Variants in ABCA5 observed in about 807,000 individuals in gnomAD.
ABCA5 encodes the protein cholesterol transporter ABCA5.
ABCA5 carries 163 observed loss-of-function variants against 206.0 expected under a neutral mutation model. The observed-to-expected ratio is 0.79, with a 90% confidence interval of 0.70 to 0.90. ABCA5 has a LOEUF of 0.90. ABCA5 is among the 40% of genes least tolerant of loss of function. The pLI, the probability that ABCA5 is intolerant of heterozygous loss-of-function variation, is 0.00. For synonymous variants in ABCA5, 609 were observed against 613.8 expected (o/e 0.99, Z 0.11); for missense variants, 1,859 against 1,912.9 (o/e 0.97, Z 0.53).
intron 15 of ABCA5, among the ~76,000 whole-genome samples, chr17:69,286,650 T>C (rs1483983577): frequency 6.6e-6 from 1 of 152,188 alleles, no homozygotes; most frequent in Non-Finnish European, 1.5e-5. Context: ...CTTTCACAAT[T>C]TCCTTTATAA....
chr17:69,284,434 TATC>T (rs1212686609), intron 17 of ABCA5, among the ~76,000 whole-genome samples: 3 of 152,154 alleles, frequency 2.0e-5, no homozygotes, highest in Admixed American at 1.3e-4. Flanking sequence ...ATTATATCTA[TATC>T]ATATTATAAA....
intron 22 of ABCA5, among the ~76,000 whole-genome samples, chr17:69,269,387 G>A (rs778001823): frequency 7.9e-5 from 12 of 152,180 alleles, no homozygotes; most frequent in Admixed American, 3.3e-4. Context: ...TAGGTGGTTC[G>A]TTTTCTGTAC....
At chr17:69,309,609 A>C (rs1428083326) in intron 3 of ABCA5, among the ~76,000 whole-genome samples, 186 bp from the exon 4 acceptor site, 1 of 152,200 alleles carries the variant, frequency 6.6e-6, no homozygotes, top group Non-Finnish European at 1.5e-5. Flanking sequence ...TTGGAAGACC[A>C]AGATGGGAGG....
intron 8 of ABCA5, among the ~76,000 whole-genome samples, chr17:69,302,463 A>T (rs2075662235): frequency 6.6e-6 from 1 of 152,250 alleles, no homozygotes; most frequent in African/African-American, 2.4e-5. Flanking sequence ...GAGTTTCTGC[A>T]GTGAAATAAA....
rs143171555 is a variant in ABCA5 at position 69,255,766 on chromosome 17, C to T, written c.3943G>A (p.Ala1315Thr). Residue 1315 changes from alanine (A) to threonine (T), a missense_variant, in exon 30 of 39, where the codon GCA becomes ACA. By Grantham distance (58) the Ala-to-Thr change is moderately conservative (BLOSUM62 0). Transcript: ENST00000392676. The stretch of plus-strand genomic sequence containing the variant: ...ACACAGAAAGAGATGTATTTAGTTG[C>T]CACTTTCTTTACTTTTCTTGAAAGA... ...FLLSRKVKKV[A>T]TKYISFCVKK... is the part of the protein sequence containing the mutation. The T allele has an allele frequency of 1.6e-4, 252 of 1,596,416 alleles. No homozygotes were observed. In the African/African-American group the frequency reaches 2.8e-3, roughly 18 times the overall value.
At chr17:69,248,614 C>G (rs546289008) in intron 37 of ABCA5, 139 of 228,880 alleles carry the variant, frequency 6.1e-4, no homozygotes, top group African/African-American at 3.1e-3. Flanking sequence ...TCCCTGCTCT[C>G]TTATCTCCCA....
chr17:69,305,964 A>C (rs1206190504), intron 6 of ABCA5, among the ~76,000 whole-genome samples: 2 of 152,220 alleles, frequency 1.3e-5, no homozygotes, highest in African/African-American at 4.8e-5. Flanking sequence ...CATTATGTAA[A>C]GTGTTAATGA....
chr17:69,252,012 T>C, intron 34 of ABCA5, 146 bp from the exon 35 acceptor site: 2 of 742,416 alleles, frequency 2.7e-6, no homozygotes, highest in Non-Finnish European at 4.2e-6. Context: ...CCTGCCCAAC[T>C]ATGATTTTTT....
At chr17:69,251,462 TG>T (rs1263735063) in intron 35 of ABCA5, 3 of 316,560 alleles carry the variant, frequency 9.5e-6, no homozygotes, top group Non-Finnish European at 1.7e-5. Context: ...TTCATATTTG[TG>T]TTACATAATT....
rs756157592 is a variant in ABCA5, at chr17:69,313,226, T to A, written c.173A>T (p.Tyr58Phe). ...GAGTTCTATATTAGGCACTTCTTCA[T>A]ATTTCTTATTTGGATGCATCATGCT... ...LISMMHPNKK[Y>F]EEVPNIELNP... Residue 58 changes from tyrosine (Y) to phenylalanine (F), a missense_variant, in exon 3 of 39, where the codon TAT (tyrosine) becomes TTT (phenylalanine). By Grantham distance (22) the Tyr-to-Phe change is conservative. Transcript: ENST00000392676. 1 of 1,535,614 alleles carries A rather than the reference T, an allele frequency of 6.5e-7. No homozygotes were observed. The highest frequency in any genetic ancestry group is 9.0e-7 in the Non-Finnish European group (1 of 1,111,218).
At position 69,260,563 on chromosome 17, in the gene ABCA5, C is replaced by T. The variant is rs115613225; in HGVS notation, c.3565-151G>A. ...AGTTATGTTTTTTACTTAAAATCTTCCCTGTCCCAAAATATTTCTGAGGAT... is the reference window on the plus strand; with the variant it reads ...AGTTATGTTTTTTACTTAAAATCTTTCCTGTCCCAAAATATTTCTGAGGAT... On this transcript the variant is annotated intron_variant, in intron 26 of 38. Coordinates refer to ENST00000392676, the MANE Select transcript of ABCA5 (RefSeq NM_172232.4). 3,401 of 577,454 alleles carry T rather than the reference C, an allele frequency of 5.9e-3. 95 individuals are homozygous for T. Among genetic ancestry groups the T allele is most frequent in the African/African-American group, 0.057 (2,949 of 51,700 alleles). 35.8% of individuals were successfully genotyped at this position (577,454 alleles called of 1,614,324 possible). A position where few individuals can be genotyped will look rare whatever the true frequency, so the allele number is the denominator to read the frequency against.
chr17:69,270,827 A>C, intron 21 of ABCA5, 77 bp from the exon 22 acceptor site: 7 of 1,307,972 alleles, frequency 5.4e-6, no homozygotes, highest in Non-Finnish European at 7.1e-6. Flanking sequence ...AGCTTTTCTC[A>C]CCAACAAAGC....
At position 69,292,659 on chromosome 17, in the gene ABCA5, C is replaced by A. The variant is rs28410323; in HGVS notation, c.1496-1333G>T. The stretch of plus-strand genomic sequence containing the variant: ...TTATTACAATTATAATTATACTTAA[C>A]TAGTTGTACCAATAACTTACATTGG... On this transcript the variant is annotated intron_variant, in intron 11 of 38. Coordinates refer to ENST00000392676, the MANE Select transcript of ABCA5 (RefSeq NM_172232.4). Among the ~76,000 whole-genome samples the A allele has an allele frequency of 2.2e-3, 336 of 152,214 alleles. 3 individuals are homozygous for A. Among genetic ancestry groups the A allele is most frequent in the African/African-American group, 7.8e-3 (325 of 41,534 alleles).
In ABCA5 at chr17:69,326,172, G is replaced by C. The variant is rs1048672763; in HGVS notation, c.-16+880C>G. Among the ~76,000 whole-genome samples the C allele has an allele frequency of 2.0e-5, 3 of 152,086 alleles. No individual in the cohort carries two copies. The highest frequency in any genetic ancestry group is 7.2e-5 in the African/African-American group (3 of 41,408). ...CCTTAATAAGTTACTTAACCTCTTT[G>C]AGGCCCATTCTCCACACCTGCCCAA... On this transcript the variant is annotated intron_variant, in intron 1 of 38. Transcript: ENST00000392676. The surrounding 1 kb of genome is among the most constrained non-coding windows in gnomAD (Gnocchi z 4.8).
chr17:69,280,136 T>A (rs954541106), intron 18 of ABCA5, among the ~76,000 whole-genome samples: 16 of 152,088 alleles, frequency 1.1e-4, no homozygotes. Flanking sequence ...CCTACTCATC[T>A]GACAAAGGGC....
At chr17:69,297,765 T>C (rs2075599305) in intron 9 of ABCA5, among the ~76,000 whole-genome samples, 1 of 152,198 alleles carries the variant, frequency 6.6e-6, no homozygotes, top group Non-Finnish European at 1.5e-5. Flanking sequence ...AAGACTTGAA[T>C]GGGCACCATC....
intron 26 of ABCA5, 90 bp from the exon 27 acceptor site, chr17:69,260,502 G>T: frequency 1.2e-6 from 1 of 868,086 alleles, no homozygotes; most frequent in Non-Finnish European, 1.8e-6. Flanking sequence ...TAGCAAACGT[G>T]TACTTTCTAT....
chr17:69,274,201 C>T, intron 19 of ABCA5, 73 bp from the exon 20 acceptor site: 1 of 1,368,928 alleles, frequency 7.3e-7, no homozygotes, highest in Non-Finnish European at 9.8e-7. Flanking sequence ...TAAAACTCTC[C>T]CTTCACATTG....
chr17:69,262,991 T>C (rs1269781879), intron 24 of ABCA5, among the ~76,000 whole-genome samples: 3 of 152,242 alleles, frequency 2.0e-5, no homozygotes, highest in Admixed American at 2.0e-4. Context: ...TGATTAGTGA[T>C]GTAGAGCATT....
Sources: allele counts gnomAD v4.1 joint callset (sites outside exome capture counted in the v4.1 genomes callset), GRCh38; gene constraint gnomAD v4.1.1; non-coding constraint Gnocchi (gnomAD v3.1); transcripts MANE v1.5; gene names NCBI Gene and HGNC (gene_info 2026-07-23, HGNC 2026-07-21).